ZMYM2: variants seen among roughly 807,000 people sequenced by gnomAD.
ZMYM2 encodes zinc finger MYM-type containing 2.
A neutral mutation model predicts 162.8 loss-of-function variants in ZMYM2; 56 were observed. The observed-to-expected ratio is 0.34, with a 90% CI of 0.28 to 0.43. ZMYM2 has a LOEUF of 0.43. Ranked by LOEUF, ZMYM2 falls within the 20% of genes least tolerant of loss-of-function variation. ZMYM2 has a pLI of 1.00. For synonymous variants in ZMYM2, 510 were observed against 541.6 expected, an observed-to-expected ratio of 0.94 and a Z score of 0.81; for missense variants, 1,275 against 1,621.8, an observed-to-expected ratio of 0.79 and a Z score of 3.67.
the ZMYM2 span, among the ~76,000 whole-genome samples, chr13:19,926,204 A>G: frequency 3.3e-5 from 5 of 151,410 alleles, no homozygotes; most frequent in East Asian, 4.0e-4. Flanking sequence ...CAGGTGTTCC[A>G]CCCACCTCGG....
At chr13:19,905,997 C>T in the ZMYM2 span, among the ~76,000 whole-genome samples, 1 of 151,530 alleles carries the variant, frequency 6.6e-6, no homozygotes. Flanking sequence ...AATAAATGGG[C>T]CGGGCGTGGT....
chr13:19,912,014 T>A, the ZMYM2 span, among the ~76,000 whole-genome samples: 17 of 152,212 alleles, frequency 1.1e-4, no homozygotes, highest in South Asian at 2.1e-3. Context: ...TCTTGGAGAA[T>A]GACCATGGGT....
At chr13:19,982,659 G>GT (rs1957456905) in intron 2 of ZMYM2, among the ~76,000 whole-genome samples, 1 of 152,156 alleles carries the variant, frequency 6.6e-6, no homozygotes, top group Admixed American at 6.5e-5. Flanking sequence ...TCCTGAACCT[G>GT]TTGAGTATTC....
chr13:20,033,705 A>G (rs1265896661), intron 10 of ZMYM2, among the ~76,000 whole-genome samples: 2 of 152,192 alleles, frequency 1.3e-5, no homozygotes, highest in Non-Finnish European at 2.9e-5. Context: ...GTTTGGGCCC[A>G]GGAGAAACAA....
chr13:19,909,991 G>A, the ZMYM2 span, among the ~76,000 whole-genome samples: 9 of 151,482 alleles, frequency 5.9e-5, no homozygotes, highest in East Asian at 2.0e-4. Flanking sequence ...CGAGGCGGGC[G>A]GATCACGAGG....
At chr13:20,043,729 C>T (rs1366793167) in intron 12 of ZMYM2, among the ~76,000 whole-genome samples, 1 of 152,024 alleles carries the variant, frequency 6.6e-6, no homozygotes, top group Non-Finnish European at 1.5e-5. Context: ...ACTCCTGCTG[C>T]ATGAGTGGCA....
At chr13:20,049,618 A>G (rs965514758) in intron 12 of ZMYM2, among the ~76,000 whole-genome samples, 2 of 152,074 alleles carry the variant, frequency 1.3e-5, no homozygotes, top group African/African-American at 4.8e-5. Context: ...GGTACAGGCT[A>G]AAGCCTAGGT....
the ZMYM2 span, chr13:19,863,877 G>C: frequency 2.0e-5 from 3 of 151,786 alleles, no homozygotes; most frequent in African/African-American, 7.2e-5. Flanking sequence ...ACTCCCGGTC[G>C]GGTTGTCTCC....
the ZMYM2 span, among the ~76,000 whole-genome samples, chr13:19,950,153 C>T: frequency 1.0e-4 from 15 of 149,744 alleles, no homozygotes; most frequent in Non-Finnish European, 1.9e-4. Context: ...TATGGTGGCA[C>T]GTGCCTGTGG....
intron 6 of ZMYM2, among the ~76,000 whole-genome samples, chr13:20,009,308 G>A (rs1566284854): frequency 1.3e-5 from 2 of 152,122 alleles, no homozygotes; most frequent in Admixed American, 1.3e-4. Context: ...TTTTCATAGG[G>A]GAATTCCATC....
the ZMYM2 span, among the ~76,000 whole-genome samples, chr13:19,888,894 G>A: frequency 1.3e-5 from 2 of 152,024 alleles, no homozygotes; most frequent in East Asian, 1.9e-4. Context: ...CACTGTGCCT[G>A]GCCTATTATT....
chr13:19,930,486 G>A, the ZMYM2 span, among the ~76,000 whole-genome samples: 1 of 151,762 alleles, frequency 6.6e-6, no homozygotes, highest in African/African-American at 2.4e-5. Context: ...TTGTGGTTGT[G>A]CCCTGTTCTG....
chr13:20,043,449 G>A (rs1429410619), intron 12 of ZMYM2, among the ~76,000 whole-genome samples: 1 of 152,162 alleles, frequency 6.6e-6, no homozygotes, highest in East Asian at 1.9e-4. Context: ...GATGCAATGT[G>A]GCTAGGGGGT....
intron 1 of ZMYM2, among the ~76,000 whole-genome samples, chr13:19,959,706 T>G (rs1007949896): frequency 6.6e-6 from 1 of 152,142 alleles, no homozygotes; most frequent in Non-Finnish European, 1.5e-5. Flanking sequence ...GGGAGCAGGC[T>G]CGGTGTCCTT....
chr13:20,008,394 GTGCTGGGA>G (rs1186201568), intron 6 of ZMYM2, among the ~76,000 whole-genome samples: 6 of 152,336 alleles, frequency 3.9e-5, no homozygotes, highest in African/African-American at 1.4e-4. Context: ...GCCTTCCAAA[GTGCTGGGA>G]TTACAGGCGT....
At chr13:20,017,177 A>G (rs1359393429) in intron 6 of ZMYM2, among the ~76,000 whole-genome samples, 1 of 152,178 alleles carries the variant, frequency 6.6e-6, no homozygotes, top group East Asian at 1.9e-4. Context: ...TGGAAGTTCA[A>G]GTTTCCTACT....
At chr13:20,052,175 T>G (rs1440748778) in intron 13 of ZMYM2, 102 bp from the exon 14 acceptor site, 1 of 942,450 alleles carries the variant, frequency 1.1e-6, no homozygotes, top group African/African-American at 1.7e-5. Context: ...AATATTTTCT[T>G]TAGTCACATT....
the ZMYM2 span, among the ~76,000 whole-genome samples, chr13:19,949,654 C>G: frequency 2.6e-5 from 4 of 151,362 alleles, no homozygotes; most frequent in African/African-American, 7.3e-5. Context: ...TTTGGGAGGC[C>G]AAGACGGGCA....
chr13:20,031,865 G>T (rs116556925), intron 10 of ZMYM2, among the ~76,000 whole-genome samples: 140 of 130,168 alleles, frequency 1.1e-3, no homozygotes, highest in Middle Eastern at 4.9e-3. Context: ...TTCTGTAATT[G>T]TTTTTTTTTT....
Sources: gnomAD v4.1 joint callset for allele counts (sites outside exome capture counted in the v4.1 genomes callset) on GRCh38, gnomAD v4.1.1 for gene constraint, MANE v1.5 for transcripts, NCBI Gene and HGNC (gene_info 2026-07-23, HGNC 2026-07-21) for gene names.